Variants in POU2AF1 observed in about 807,000 individuals in gnomAD.
POU2AF1 encodes the protein POU class 2 homeobox associating factor 1.
A neutral mutation model predicts 26.3 loss-of-function variants in POU2AF1; 12 were observed. The ratio of observed to expected loss-of-function variants is 0.46; its 90% CI spans 0.29 to 0.74. The LOEUF (loss-of-function observed/expected upper bound fraction) is 0.74, where lower values mean the gene tolerates loss of function less well. Ranked by LOEUF, POU2AF1 falls within the 30% of genes least tolerant of loss-of-function variation. The pLI, the probability that POU2AF1 is intolerant of heterozygous loss-of-function variation, is 0.09. For synonymous variants in POU2AF1, 175 were observed against 148.0 expected (o/e 1.18, Z -1.32); for missense variants, 297 against 334.5 (o/e 0.89, Z 0.87).
intron 1 of POU2AF1, among the ~76,000 whole-genome samples, chr11:111,361,744 A>G (rs1861013574): frequency 6.6e-6 from 1 of 152,182 alleles, no homozygotes; most frequent in South Asian, 2.1e-4. Context: ...CAGCTGTCTC[A>G]TCTATAAAGT....
chr11:111,357,365 T>C, intron 4 of POU2AF1, 80 bp downstream of exon 4: 1 of 1,569,518 alleles, frequency 6.4e-7, no homozygotes, highest in East Asian at 2.2e-5. Context: ...GCAAGGAAGA[T>C]CAGGATCGAG....
Position 111,357,459 on chromosome 11 carries a change from T to C in POU2AF1, c.442A>G (p.Ile148Val), listed in dbSNP as rs764847473. Residue 148 changes from isoleucine to valine, a missense_variant, in exon 4 of 5, where the codon ATC becomes GTC. Ile to Val is a conservative substitution (Grantham distance 29, BLOSUM62 3). Transcript: ENST00000393067. ...SVLTYASPPLITNVTTRSSAT... is the reference protein window; with the variant it reads ...SVLTYASPPLVTNVTTRSSAT... ...GTGTGACATACCGTGACATTGGTGA[T>C]GAGTGGCGGAGAGGCATAGGTCAAC... 1.9e-6 allele frequency: 3 copies of C among 1,614,096 alleles called. No individual in the cohort carries two copies. Among genetic ancestry groups the C allele is most frequent in the Non-Finnish European group, 2.5e-6 (3 of 1,180,022 alleles).
intron 1 of POU2AF1, among the ~76,000 whole-genome samples, chr11:111,375,446 G>A (rs566588224): frequency 7.7e-6 from 1 of 130,250 alleles, no homozygotes; most frequent in Non-Finnish European, 1.5e-5. Context: ...CCCCAGGCTG[G>A]AGTGCAGTGG....
intron 1 of POU2AF1, among the ~76,000 whole-genome samples, chr11:111,369,828 G>A (rs1345156535): frequency 6.6e-6 from 1 of 152,180 alleles, no homozygotes; most frequent in East Asian, 1.9e-4. Flanking sequence ...TTCCTTATTA[G>A]ATCAAGGCTT....
rs1403162079 is a variant in POU2AF1 at position 111,354,489 on chromosome 11, C to T, written c.543G>A (p.Gln181=). ...TGGAGGTGGGTAGTGTGGAAAGGGG[C>T]TGAGGCCACGGGAAATAGGTGAGGG... ...QAPLTYFPWP[Q]PLSTLPTSTL... The change falls in exon 5 of 5, where the codon CAG becomes CAA. Residue 181 remains glutamine, a synonymous_variant. Transcript: ENST00000393067. The T allele has an allele frequency of 3.7e-6, 6 of 1,603,196 alleles. No individual in the cohort carries two copies. The Admixed American group carries it at 7.0e-5, about 19-fold the overall frequency.
chr11:111,372,827 G>T (rs1229055864), intron 1 of POU2AF1, among the ~76,000 whole-genome samples: 3 of 152,212 alleles, frequency 2.0e-5, no homozygotes, highest in Non-Finnish European at 4.4e-5. Flanking sequence ...TCAGATGTCA[G>T]CAGAAGTTGT....
At chr11:111,369,305 G>A (rs1861164244) in intron 1 of POU2AF1, among the ~76,000 whole-genome samples, 1 of 152,226 alleles carries the variant, frequency 6.6e-6, no homozygotes, top group South Asian at 2.1e-4. Context: ...TGCAGCAGAT[G>A]TGAGTTTTTA....
At chr11:111,377,652 A>C (rs539165994) in intron 1 of POU2AF1, 1 of 170,558 alleles carries the variant, frequency 5.9e-6, no homozygotes, top group South Asian at 2.0e-4. Flanking sequence ...TGGCTTGCTC[A>C]TAGAAGGTAG....
chr11:111,377,456 C>T, intron 1 of POU2AF1, among the ~76,000 whole-genome samples: 1 of 152,148 alleles, frequency 6.6e-6, no homozygotes, highest in Middle Eastern at 3.4e-3. Context: ...TACTACAGAA[C>T]CAAGAGGGGA....
At chr11:111,378,620 G>A (rs1312736696) in intron 1 of POU2AF1, among the ~76,000 whole-genome samples, 3 of 152,176 alleles carry the variant, frequency 2.0e-5, no homozygotes, top group Non-Finnish European at 4.4e-5. Context: ...AGACAGTGGA[G>A]CAAGTGAGGA....
intron 1 of POU2AF1, among the ~76,000 whole-genome samples, chr11:111,377,226 A>G (rs1308272049): frequency 6.6e-6 from 1 of 151,836 alleles, no homozygotes; most frequent in Non-Finnish European, 1.5e-5. Flanking sequence ...ACAAAAAAAA[A>G]AAAAACAGCT....
At position 111,363,484 on chromosome 11, in the gene POU2AF1, TC is replaced by T. The variant is rs140269680; in HGVS notation, c.17-4567del. 2,423 of 1,009,256 alleles carry T rather than the reference TC, an allele frequency of 2.4e-3. 45 individuals are homozygous for T. The African/African-American group carries it at 0.039, about 16-fold the overall frequency. The allele number at this position is 1,009,256 out of a possible 1,614,324, so 62.5% of individuals were successfully genotyped here. ...TTTAATTCCACAGTAAACACTGAGCTCCCTACTGCCACCAGCATGAGAACTG... is the reference window on the plus strand; with the variant it reads ...TTTAATTCCACAGTAAACACTGAGCTCCTACTGCCACCAGCATGAGAACTG... On this transcript the variant is annotated intron_variant, in intron 1 of 4. Transcript: ENST00000393067.
intron 2 of POU2AF1, 22 bp downstream of exon 2, chr11:111,358,764 ACT>A (rs763461296): frequency 8.9e-5 from 138 of 1,556,730 alleles, no homozygotes; most frequent in Non-Finnish European, 1.0e-4. Context: ...ACACACTCAC[ACT>A]CTCACACACA....
At chr11:111,363,363 C>A (rs368125875) in intron 1 of POU2AF1, 1 of 1,021,250 alleles carries the variant, frequency 9.8e-7, no homozygotes, top group South Asian at 4.6e-5. Context: ...AGCTTCAAGA[C>A]GATTCCAAAG....
chr11:111,369,612 C>A (rs1252713424), intron 1 of POU2AF1, among the ~76,000 whole-genome samples: 1 of 152,222 alleles, frequency 6.6e-6, no homozygotes, highest in African/African-American at 2.4e-5. Context: ...TAGAGCAAAG[C>A]AGATTCCTGG....
At position 111,371,257 on chromosome 11, in the gene POU2AF1, T is replaced by C. The variant is rs1346057778; in HGVS notation, c.16+7905A>G. ...CTGGTCTGAGAATGATTCTGGTTTA[T>C]AATCTTTTGGTGACCAGCTCTTCCC... On this transcript the variant is annotated intron_variant, in intron 1 of 4. Coordinates refer to ENST00000393067, the MANE Select transcript of POU2AF1 (RefSeq NM_006235.3). Among the ~76,000 whole-genome samples the C allele has an allele frequency of 2.6e-5, 4 of 152,362 alleles. No homozygotes were observed. In the South Asian group the frequency reaches 8.3e-4, roughly 32 times the overall value.
intron 4 of POU2AF1, among the ~76,000 whole-genome samples, chr11:111,355,784 C>T (rs1407673021): frequency 6.6e-6 from 1 of 152,114 alleles, no homozygotes; most frequent in African/African-American, 2.4e-5. Context: ...TTCCAGCCTC[C>T]TGAAATCCGG....
chr11:111,358,374 A>T (rs1312800835), intron 2 of POU2AF1, among the ~76,000 whole-genome samples: 2 of 111,228 alleles, frequency 1.8e-5, no homozygotes, highest in Non-Finnish European at 3.8e-5. Context: ...ACACTCACAC[A>T]CTCTCTCACA....
At chr11:111,365,111 G>T (rs1861080414) in intron 1 of POU2AF1, among the ~76,000 whole-genome samples, 1 of 152,172 alleles carries the variant, frequency 6.6e-6, no homozygotes, top group Non-Finnish European at 1.5e-5. Context: ...TTTTGTATTT[G>T]GGGTCAGACC....
Sources: gnomAD v4.1 joint callset for allele counts (sites outside exome capture counted in the v4.1 genomes callset) on GRCh38, gnomAD v4.1.1 for gene constraint, MANE v1.5 for transcripts, NCBI Gene and HGNC (gene_info 2026-07-23, HGNC 2026-07-21) for gene names.